Variants in BORCS5 observed in about 807,000 individuals in gnomAD.
BORCS5 encodes BLOC-1-related complex subunit 5.
BORCS5 carries 17 observed loss-of-function variants against 22.1 expected under a neutral mutation model. The observed-to-expected ratio is 0.77, with a 90% CI of 0.53 to 1.15. The LOEUF (loss-of-function observed/expected upper bound fraction) is 1.15. BORCS5 is among the 50% of genes most tolerant of loss of function. The pLI, the probability that BORCS5 is intolerant of heterozygous loss-of-function variation, is 0.00. For synonymous variants in BORCS5, 117 were observed against 99.8 expected (o/e 1.17, Z -1.03); for missense variants, 247 against 253.2 (o/e 0.98, Z 0.17).
intron 1 of BORCS5, among the ~76,000 whole-genome samples, chr12:12,360,930 A>G (rs1863269632): frequency 6.6e-6 from 1 of 152,146 alleles, no homozygotes; most frequent in Non-Finnish European, 1.5e-5. Flanking sequence ...CATGTTGGCC[A>G]GGCTGGTCTT....
At chr12:12,393,417 C>T (rs1193420132) in intron 2 of BORCS5, among the ~76,000 whole-genome samples, 1 of 152,034 alleles carries the variant, frequency 6.6e-6, no homozygotes, top group African/African-American at 2.4e-5. Context: ...TCAAAAAAGC[C>T]CCCACTGAAT....
chr12:12,398,913 A>G (rs979243393), intron 2 of BORCS5, among the ~76,000 whole-genome samples: 3 of 152,126 alleles, frequency 2.0e-5, no homozygotes, highest in Admixed American at 2.0e-4. Flanking sequence ...TCATAATAAG[A>G]GTGGGAGAGA....
At chr12:12,443,429 G>A (rs1390953069) in intron 3 of BORCS5, among the ~76,000 whole-genome samples, 1 of 152,148 alleles carries the variant, frequency 6.6e-6, no homozygotes, top group Non-Finnish European at 1.5e-5. Flanking sequence ...TGTCCTTTGG[G>A]CAACCTTTCT....
intron 2 of BORCS5, among the ~76,000 whole-genome samples, chr12:12,382,545 T>C (rs1029901444): frequency 2.0e-5 from 3 of 150,004 alleles, no homozygotes; most frequent in Non-Finnish European, 3.0e-5. Flanking sequence ...TTTTTTTTTT[T>C]TTTTTTTGAG....
In BORCS5 at chr12:12,438,382, G is replaced by GAAAAAAAAAA. The variant is rs1565915767; in HGVS notation, c.360+2602_360+2603insAAAAAAAAAA. The stretch of plus-strand genomic sequence containing the variant: ...TCTCAAAAAAAAAAAAAAAAAAAAC[G>GAAAAAAAAAA]AAAAACAACAACAAAAACCTCTAAT... On this transcript the variant is annotated intron_variant, in intron 3 of 3. Coordinates refer to ENST00000314565, the MANE Select transcript of BORCS5 (RefSeq NM_058169.6). Among the ~76,000 whole-genome samples the GAAAAAAAAAA allele has an allele frequency of 1.2e-3, 124 of 106,932 alleles. 5 individuals are homozygous for GAAAAAAAAAA. The highest frequency in any genetic ancestry group is 6.3e-3 in the African/African-American group (114 of 18,054). The allele number at this position is 106,932 out of a possible 152,430, so 70.2% of individuals were successfully genotyped here.
Position 12,464,740 on chromosome 12 carries a change from C to T in BORCS5, c.361-806C>T, listed in dbSNP as rs116207780. ...TCTGTAAGGGGAAGAGAAGAAGTCA[C>T]GCAAGGGCAGCCCAGAGCCCGCAGT... On this transcript the variant is annotated intron_variant, in intron 3 of 3. Coordinates refer to ENST00000314565, the MANE Select transcript of BORCS5 (RefSeq NM_058169.6). Among the ~76,000 whole-genome samples the T allele has an allele frequency of 2.2e-3, 337 of 152,188 alleles. 2 individuals are homozygous for T. Among genetic ancestry groups the T allele is most frequent in the African/African-American group, 7.0e-3 (291 of 41,508 alleles).
intron 2 of BORCS5, among the ~76,000 whole-genome samples, chr12:12,425,565 T>G (rs1355599593): frequency 6.6e-6 from 1 of 152,224 alleles, no homozygotes; most frequent in Non-Finnish European, 1.5e-5. Flanking sequence ...GGTATCTCAT[T>G]GTGTTTTGTA....
chr12:12,405,941 G>C (rs932297683), intron 2 of BORCS5, among the ~76,000 whole-genome samples: 2 of 152,232 alleles, frequency 1.3e-5, no homozygotes, highest in Admixed American at 6.5e-5. Flanking sequence ...GGGCTACCTA[G>C]CCAAGTAAAA....
In BORCS5 at chr12:12,357,360, C is replaced by G; in HGVS notation, c.-92C>G. 1 of 1,517,078 alleles carries G rather than the reference C, an allele frequency of 6.6e-7. No homozygotes were observed. The highest frequency in any genetic ancestry group is 2.4e-5 in the East Asian group (1 of 41,428). 94.0% of individuals were successfully genotyped at this position (1,517,078 alleles called of 1,614,324 possible). On this transcript the variant is annotated 5_prime_UTR_variant, in exon 1 of 4. Transcript: ENST00000314565. ...GGCGCCCAGACTCTGCTTTGCCTCC[C>G]CGTCCCGGTCCCTGGCCCCTGCCCT...
At chr12:12,432,041 A>G (rs1028356897) in intron 2 of BORCS5, among the ~76,000 whole-genome samples, 1 of 152,168 alleles carries the variant, frequency 6.6e-6, no homozygotes, top group Non-Finnish European at 1.5e-5. Flanking sequence ...AGTTTACCCT[A>G]TGTGATATGA....
At chr12:12,376,480 G>T (rs569570644) in intron 2 of BORCS5, among the ~76,000 whole-genome samples, 94 of 151,258 alleles carry the variant, frequency 6.2e-4, no homozygotes, top group African/African-American at 2.2e-3. Context: ...TGATCCACCT[G>T]CCTCGGCCTC....
intron 2 of BORCS5, among the ~76,000 whole-genome samples, chr12:12,374,399 G>A (rs1488168803): frequency 2.0e-5 from 3 of 151,772 alleles, no homozygotes; most frequent in Admixed American, 6.6e-5. Context: ...TTGGGAGGCC[G>A]AGGTGGGAGG....
At chr12:12,423,029 TCTCA>T (rs1400674468) in intron 2 of BORCS5, among the ~76,000 whole-genome samples, 1 of 151,376 alleles carries the variant, frequency 6.6e-6, no homozygotes, top group Non-Finnish European at 1.5e-5. Context: ...TGAGATGGAG[TCTCA>T]CTCTGTCACC....
At chr12:12,397,663 G>A (rs952678206) in intron 2 of BORCS5, among the ~76,000 whole-genome samples, 1 of 152,086 alleles carries the variant, frequency 6.6e-6, no homozygotes, top group Non-Finnish European at 1.5e-5. Flanking sequence ...GAATACCACC[G>A]CCAGTTTTTT....
chr12:12,398,999 C>A (rs1941411591), intron 2 of BORCS5, among the ~76,000 whole-genome samples: 1 of 152,110 alleles, frequency 6.6e-6, no homozygotes, highest in Admixed American at 6.5e-5. Context: ...CAATTTTTGT[C>A]CCTGCCCACT....
chr12:12,425,697 T>C (rs1942268981), intron 2 of BORCS5, among the ~76,000 whole-genome samples: 3 of 152,258 alleles, frequency 2.0e-5, no homozygotes, highest in South Asian at 2.1e-4. Flanking sequence ...GTTTTATCTT[T>C]TTAAATTTAG....
chr12:12,360,012 C>G (rs1161264863), intron 1 of BORCS5, among the ~76,000 whole-genome samples: 1 of 152,066 alleles, frequency 6.6e-6, no homozygotes, highest in Non-Finnish European at 1.5e-5. Flanking sequence ...TCTGCCTATA[C>G]TTTTGTGTGC....
intron 2 of BORCS5, among the ~76,000 whole-genome samples, chr12:12,408,245 ATGC>A (rs1317666130): frequency 6.6e-6 from 1 of 152,208 alleles, no homozygotes; most frequent in African/African-American, 2.4e-5. Flanking sequence ...ATTGTGAATA[ATGC>A]TGCTGTGAAC....
chr12:12,416,291 T>A (rs2136097171), intron 2 of BORCS5, among the ~76,000 whole-genome samples: 1 of 152,146 alleles, frequency 6.6e-6, no homozygotes, highest in African/African-American at 2.4e-5. Context: ...TGCTGGTGAT[T>A]TTCTCTATTT....
Sources: gnomAD v4.1 joint callset for allele counts (sites outside exome capture counted in the v4.1 genomes callset) on GRCh38, gnomAD v4.1.1 for gene constraint, MANE v1.5 for transcripts, NCBI Gene and HGNC (gene_info 2026-07-23, HGNC 2026-07-21) for gene names.